L3MBTL3: variants seen among roughly 807,000 people sequenced by gnomAD.
L3MBTL3 encodes the protein lethal(3)malignant brain tumor-like protein 3.
A neutral mutation model predicts 102.3 loss-of-function variants in L3MBTL3; 27 were observed. The observed-to-expected ratio is 0.26, with a 90% CI of 0.19 to 0.36. The LOEUF (loss-of-function observed/expected upper bound fraction) is 0.36. L3MBTL3 is among the 10% of genes least tolerant of loss of function. The pLI, the probability that L3MBTL3 is intolerant of heterozygous loss-of-function variation, is 1.00. For synonymous variants in L3MBTL3, 340 were observed against 320.9 expected (o/e 1.06, Z -0.64); for missense variants, 798 against 955.3 (o/e 0.84, Z 2.17).
At chr6:130,105,866 G>T (rs1484880875) in intron 19 of L3MBTL3, among the ~76,000 whole-genome samples, 1 of 152,152 alleles carries the variant, frequency 6.6e-6, no homozygotes, top group Non-Finnish European at 1.5e-5. Flanking sequence ...CAAATACCTG[G>T]AGCCAAAGTC....
chr6:130,137,790 A>G (rs1175048656), intron 22 of L3MBTL3: 1 of 152,258 alleles, frequency 6.6e-6, no homozygotes, highest in Non-Finnish European at 1.5e-5. Flanking sequence ...GAAGACTTCT[A>G]TAAGGCTGTC....
rs1360392285 is a variant in L3MBTL3, at chr6:130,083,713, G to C, written c.1407+8G>C. ...GCAAGAGCTTTCAAAGTGGTAAGAT[G>C]ATACATTTTATTAATTTGCGTGGAT... On this transcript the variant is annotated splice_region_variant and intron_variant, in intron 15 of 22. Coordinates refer to ENST00000361794, the MANE Select transcript of L3MBTL3 (RefSeq NM_032438.4). 1.4e-6 allele frequency: 2 copies of C among 1,441,720 alleles called. No individual in the cohort carries two copies. The highest frequency in any genetic ancestry group is 1.9e-6 in the Non-Finnish European group (2 of 1,043,842). 89.3% of individuals were successfully genotyped at this position (1,441,720 alleles called of 1,614,324 possible).
chr6:130,029,789 G>A (rs1012317834), intron 2 of L3MBTL3, among the ~76,000 whole-genome samples: 4 of 152,262 alleles, frequency 2.6e-5, no homozygotes, highest in African/African-American at 9.6e-5. Context: ...TGGAGGGCAT[G>A]TGGACCCTGG....
intron 14 of L3MBTL3, 52 bp downstream of exon 14, chr6:130,078,686 C>A: frequency 8.1e-7 from 1 of 1,229,510 alleles, no homozygotes; most frequent in Non-Finnish European, 1.2e-6. Flanking sequence ...CAAGAGTAGG[C>A]AGACTTTTTC....
chr6:130,024,064 A>T (rs2114460113), intron 2 of L3MBTL3, among the ~76,000 whole-genome samples: 1 of 152,276 alleles, frequency 6.6e-6, no homozygotes, highest in South Asian at 2.1e-4. Context: ...GGGTGATGAA[A>T]GTAGAAGGGT....
intron 7 of L3MBTL3, among the ~76,000 whole-genome samples, chr6:130,054,508 G>A (rs1584331944): frequency 6.6e-6 from 1 of 152,208 alleles, no homozygotes; most frequent in Non-Finnish European, 1.5e-5. Context: ...GGGAATCAAT[G>A]TTAGAGGTAG....
intron 18 of L3MBTL3, among the ~76,000 whole-genome samples, chr6:130,100,701 C>T (rs1784632504): frequency 6.6e-6 from 1 of 151,810 alleles, no homozygotes; most frequent in Non-Finnish European, 1.5e-5. Context: ...TGCAGTCTTA[C>T]CCCTCTCTTG....
intron 15 of L3MBTL3, among the ~76,000 whole-genome samples, chr6:130,084,489 TA>T (rs1451025996): frequency 1.3e-5 from 2 of 152,108 alleles, no homozygotes; most frequent in East Asian, 1.9e-4. Context: ...AATTTGCTCT[TA>T]AAAAAATTTT....
At chr6:130,021,266 A>G (rs1778996566) in intron 1 of L3MBTL3, among the ~76,000 whole-genome samples, 1 of 152,174 alleles carries the variant, frequency 6.6e-6, no homozygotes. Flanking sequence ...CCGAGAGCAA[A>G]GTTTGGCCTT....
chr6:130,069,825 A>G (rs1028711360), intron 12 of L3MBTL3, among the ~76,000 whole-genome samples: 19 of 152,172 alleles, frequency 1.2e-4, no homozygotes, highest in Admixed American at 9.8e-4. Context: ...GAGACAATTA[A>G]TTTTTCCATT....
At chr6:130,066,830 C>CT (rs1300834443) in intron 11 of L3MBTL3, among the ~76,000 whole-genome samples, 5 of 152,022 alleles carry the variant, frequency 3.3e-5, no homozygotes, top group African/African-American at 1.2e-4. Flanking sequence ...GTTTATATAA[C>CT]TAAGTTTAGT....
At chr6:130,114,034 A>G (rs370708183) in intron 19 of L3MBTL3, among the ~76,000 whole-genome samples, 4 of 152,208 alleles carry the variant, frequency 2.6e-5, no homozygotes, top group East Asian at 3.9e-4. Flanking sequence ...AGTAATTTCA[A>G]TGACTAGGCA....
chr6:130,050,388 C>G (rs957993067), intron 5 of L3MBTL3, among the ~76,000 whole-genome samples: 1 of 152,236 alleles, frequency 6.6e-6, no homozygotes, highest in Non-Finnish European at 1.5e-5. Context: ...TGGTTTCATG[C>G]TTTCTTGCCT....
At chr6:130,059,189 C>A (rs755493587) in intron 9 of L3MBTL3, among the ~76,000 whole-genome samples, 1 of 152,170 alleles carries the variant, frequency 6.6e-6, no homozygotes, top group African/African-American at 2.4e-5. Flanking sequence ...CCCTGCCCCC[C>A]CAGGCACCAG....
chr6:130,039,695 A>G (rs1780297230), intron 2 of L3MBTL3, among the ~76,000 whole-genome samples: 1 of 152,104 alleles, frequency 6.6e-6, no homozygotes, highest in African/African-American at 2.4e-5. Context: ...CATAATTTTT[A>G]TGAAATATAA....
At chr6:130,130,842 C>T (rs1433288727) in intron 20 of L3MBTL3, among the ~76,000 whole-genome samples, 1 of 152,118 alleles carries the variant, frequency 6.6e-6, no homozygotes, top group Middle Eastern at 3.2e-3. Flanking sequence ...GTGTCAACTC[C>T]AGTAAAATAG....
At chr6:130,113,097 A>G (rs1785454724) in intron 19 of L3MBTL3, among the ~76,000 whole-genome samples, 1 of 152,118 alleles carries the variant, frequency 6.6e-6, no homozygotes, top group South Asian at 2.1e-4. Context: ...GAAACAATAT[A>G]TGTGTTTCTC....
chr6:130,057,606 C>A, intron 9 of L3MBTL3, 109 bp downstream of exon 9: 2 of 915,918 alleles, frequency 2.2e-6, no homozygotes, highest in Non-Finnish European at 3.4e-6. Flanking sequence ...ATTTTCTCAG[C>A]ATACAGTTTT....
chr6:130,116,676 A>G (rs750885287), intron 19 of L3MBTL3, among the ~76,000 whole-genome samples: 3 of 152,068 alleles, frequency 2.0e-5, no homozygotes, highest in Non-Finnish European at 4.4e-5. Flanking sequence ...GCACTTGAGC[A>G]TGAGTTTGAG....
Sources: allele counts gnomAD v4.1 joint callset (sites outside exome capture counted in the v4.1 genomes callset), GRCh38; gene constraint gnomAD v4.1.1; transcripts MANE v1.5; gene names NCBI Gene and HGNC (gene_info 2026-07-23, HGNC 2026-07-21).